The following DCC variants were observed in gnomAD, a reference collection of about 807,000 sequenced individuals.
DCC encodes the protein DCC netrin 1 receptor.
In DCC, 58 loss-of-function variants were observed where a neutral mutation model predicts 172.5. The observed-to-expected ratio is 0.34, with a 90% CI of 0.27 to 0.42. DCC has a LOEUF of 0.42. Among genes scored for constraint, DCC ranks in the 10% least tolerant of loss-of-function variants. The pLI is 1.00. For synonymous variants in DCC, 709 were observed against 644.5 expected, an observed-to-expected ratio of 1.10 and a Z score of -1.52; for missense variants, 1,740 against 1,791.0, an observed-to-expected ratio of 0.97 and a Z score of 0.51.
At chr18:53,143,364 T>C (rs2043858718) in intron 7 of DCC, among the ~76,000 whole-genome samples, 1 of 152,170 alleles carries the variant, frequency 6.6e-6, no homozygotes, top group Admixed American at 6.5e-5. Flanking sequence ...ATTCCTCCTT[T>C]TGAGAATACA....
chr18:52,608,596 C>A (rs2034186415), intron 1 of DCC, among the ~76,000 whole-genome samples: 2 of 152,224 alleles, frequency 1.3e-5, no homozygotes, highest in Admixed American at 6.5e-5. Flanking sequence ...TTTGATATTA[C>A]TTGTGGGTAC....
intron 1 of DCC, among the ~76,000 whole-genome samples, chr18:52,518,273 G>T (rs551986797): frequency 6.6e-6 from 1 of 152,180 alleles, no homozygotes; most frequent in Non-Finnish European, 1.5e-5. Flanking sequence ...CTGAGATTCC[G>T]TAAGAAAAAG....
intron 1 of DCC, among the ~76,000 whole-genome samples, chr18:52,565,130 T>C (rs1040999016): frequency 1.1e-4 from 17 of 152,246 alleles, no homozygotes; most frequent in Non-Finnish European, 2.2e-4. Context: ...CTGGATTCTA[T>C]GTACTTTTAA....
chr18:53,248,252 C>T (rs1022594190), intron 12 of DCC, among the ~76,000 whole-genome samples: 13 of 151,908 alleles, frequency 8.6e-5, no homozygotes, highest in African/African-American at 1.7e-4. Context: ...GATGGTGACC[C>T]GACCTGAACA....
intron 26 of DCC, among the ~76,000 whole-genome samples, chr18:53,494,818 T>A (rs2046000471): frequency 1.6e-4 from 25 of 152,192 alleles, no homozygotes; most frequent in Admixed American, 1.6e-3. Flanking sequence ...GTTAATATTG[T>A]TATGTGTGTA....
chr18:53,032,185 A>T (rs1396318940), intron 5 of DCC, among the ~76,000 whole-genome samples: 1 of 152,180 alleles, frequency 6.6e-6, no homozygotes, highest in Non-Finnish European at 1.5e-5. Flanking sequence ...GAATCTCCTC[A>T]AATAAAAAAA....
At chr18:53,368,097 T>C (rs1401628707) in intron 15 of DCC, among the ~76,000 whole-genome samples, 1 of 152,168 alleles carries the variant, frequency 6.6e-6, no homozygotes, top group Admixed American at 6.6e-5. Context: ...CTTGTTGTTT[T>C]GTTTTTAGTG....
At chr18:52,794,923 T>A (rs1219239266) in intron 2 of DCC, among the ~76,000 whole-genome samples, 3 of 152,090 alleles carry the variant, frequency 2.0e-5, no homozygotes, top group Non-Finnish European at 2.9e-5. Flanking sequence ...ATGTGGTGTA[T>A]CTCATGTATT....
intron 1 of DCC, among the ~76,000 whole-genome samples, chr18:52,508,112 T>A (rs1033885257): frequency 6.8e-5 from 10 of 147,648 alleles, no homozygotes; most frequent in South Asian, 2.1e-4. Context: ...AAAAAAAAAA[T>A]TATTATTATT....
At chr18:52,562,003 C>T (rs2033050685) in intron 1 of DCC, among the ~76,000 whole-genome samples, 1 of 152,064 alleles carries the variant, frequency 6.6e-6, no homozygotes. Flanking sequence ...TATCCTTAGC[C>T]CTACATTAAA....
intron 26 of DCC, among the ~76,000 whole-genome samples, chr18:53,496,234 G>T (rs1188734178): frequency 6.6e-6 from 1 of 152,134 alleles, no homozygotes; most frequent in Admixed American, 6.5e-5. Context: ...GCCTCTCTGG[G>T]ACGAAGCTTC....
At chr18:53,451,838 CA>C (rs1408404758) in intron 23 of DCC, among the ~76,000 whole-genome samples, 1 of 152,052 alleles carries the variant, frequency 6.6e-6, no homozygotes, top group Non-Finnish European at 1.5e-5. Flanking sequence ...AGAAAGAGAA[CA>C]GGGGAAGATA....
chr18:52,946,481 C>G (rs1439816768), intron 5 of DCC, among the ~76,000 whole-genome samples: 3 of 150,962 alleles, frequency 2.0e-5, no homozygotes, highest in African/African-American at 7.3e-5. Flanking sequence ...TTTTTTTTCT[C>G]AAGATGATGG....
At chr18:52,373,474 T>C (rs1985211395) in intron 1 of DCC, among the ~76,000 whole-genome samples, 1 of 152,236 alleles carries the variant, frequency 6.6e-6, no homozygotes, top group Non-Finnish European at 1.5e-5. Flanking sequence ...ATTTCTTCAG[T>C]GGAATAATTT....
chr18:52,479,883 A>G (rs1432393322), intron 1 of DCC, among the ~76,000 whole-genome samples: 1 of 152,040 alleles, frequency 6.6e-6, no homozygotes, highest in Admixed American at 6.6e-5. Flanking sequence ...TATTTCACGG[A>G]CGACTTCTGC....
intron 2 of DCC, among the ~76,000 whole-genome samples, chr18:52,793,073 A>T (rs1416410084): frequency 1.3e-5 from 2 of 152,230 alleles, no homozygotes; most frequent in East Asian, 1.9e-4. Context: ...GGCAGACTGC[A>T]GCAGATTTTA....
intron 21 of DCC, among the ~76,000 whole-genome samples, chr18:53,419,562 T>G (rs1910517205): frequency 6.6e-6 from 1 of 152,276 alleles, no homozygotes; most frequent in African/African-American, 2.4e-5. Flanking sequence ...ATATTCTGAT[T>G]AAAACTCCTT....
intron 1 of DCC, among the ~76,000 whole-genome samples, chr18:52,402,825 A>G (rs963452641): frequency 6.6e-6 from 1 of 152,016 alleles, no homozygotes; most frequent in African/African-American, 2.4e-5. Flanking sequence ...GAGGAGGAAT[A>G]CTAATGAATG....
intron 5 of DCC, among the ~76,000 whole-genome samples, chr18:53,037,071 A>C (rs1177601782): frequency 6.6e-6 from 1 of 152,014 alleles, no homozygotes; most frequent in African/African-American, 2.4e-5. Context: ...TTCTCTTTAC[A>C]CAGAGTAAAC....
Sources: allele counts gnomAD v4.1 joint callset (sites outside exome capture counted in the v4.1 genomes callset), GRCh38; gene constraint gnomAD v4.1.1; transcripts MANE v1.5; gene names NCBI Gene and HGNC (gene_info 2026-07-23, HGNC 2026-07-21).